CDC45: variants seen among roughly 807,000 people sequenced by gnomAD.
CDC45 encodes cell division control protein 45 homolog.
A neutral mutation model predicts 77.8 loss-of-function variants in CDC45; 54 were observed. The ratio of observed to expected loss-of-function variants is 0.69; its 90% CI spans 0.56 to 0.87. The LOEUF (loss-of-function observed/expected upper bound fraction) is 0.87. Among genes scored for constraint, CDC45 ranks in the 40% least tolerant of loss-of-function variants. The probability of loss-of-function intolerance (pLI) is 0.00; values close to 1 mark genes in which losing one functional copy is unlikely to be tolerated. For missense variants in CDC45, 649 were observed against 721.6 expected (o/e 0.90, Z 1.15); for synonymous variants, 260 against 272.1 (o/e 0.96, Z 0.44).
chr22:19,499,452 T>C (rs2146384308), intron 9 of CDC45, among the ~76,000 whole-genome samples: 1 of 151,970 alleles, frequency 6.6e-6, no homozygotes, highest in South Asian at 2.1e-4. Context: ...AGGCAGGTGC[T>C]GAGGTGTGGC....
At chr22:19,491,364 T>C (rs548480323) in intron 5 of CDC45, among the ~76,000 whole-genome samples, 109 of 152,274 alleles carry the variant, frequency 7.2e-4, no homozygotes, top group African/African-American at 2.5e-3. Context: ...GAGTCTCCTT[T>C]AACCGTTCCT....
At position 19,520,004 on chromosome 22, in the gene CDC45, C is replaced by CTGT. The variant is rs1934023556; in HGVS notation, c.*2-477_*2-476insTGT. Among the ~76,000 whole-genome samples, 1 of 152,252 alleles carries CTGT rather than the reference C, an allele frequency of 6.6e-6. No homozygotes were observed. Among genetic ancestry groups the CTGT allele is most frequent in the Non-Finnish European group, 1.5e-5 (1 of 68,044 alleles). On this transcript the variant is annotated intron_variant, in intron 18 of 18. Coordinates refer to ENST00000263201, the MANE Select transcript of CDC45 (RefSeq NM_003504.5). The surrounding 1 kb of genome is among the most constrained non-coding windows in gnomAD (Gnocchi z 4.5). The stretch of plus-strand genomic sequence containing the variant: ...CCTTAGACGATGAGTGTGAGCATCA[C>CTGT]AGGACTGCATAGGGTGGGGCGGAGG...
chr22:19,481,404 A>G (rs1031527181), intron 3 of CDC45, among the ~76,000 whole-genome samples: 1 of 151,642 alleles, frequency 6.6e-6, no homozygotes, highest in Non-Finnish European at 1.5e-5. Flanking sequence ...TTTGAAACGG[A>G]GTCTCGCTGT....
chr22:19,499,251 G>A, intron 9 of CDC45, 100 bp downstream of exon 9: 1 of 1,229,992 alleles, frequency 8.1e-7, no homozygotes, highest in Non-Finnish European at 1.2e-6. Context: ...TCCCTGTAGG[G>A]TCCTATTGAG....
rs369341373 is a variant in CDC45, at chr22:19,494,316, C to T, written c.487-11C>T. 9.3e-6 allele frequency: 15 copies of T among 1,611,534 alleles called. No homozygotes were observed. The highest frequency in any genetic ancestry group is 1.3e-5 in the African/African-American group (1 of 74,820). ...TTGCTCCACCTTTTGTTCTCTTTGT[C>T]CCTGTATCAGGAGATAGTGGAGCAA... On this transcript the variant is annotated splice_polypyrimidine_tract_variant and intron_variant, in intron 5 of 18. Coordinates refer to ENST00000263201, the MANE Select transcript of CDC45 (RefSeq NM_003504.5).
chr22:19,496,963 C>T (rs1028264399), intron 7 of CDC45, among the ~76,000 whole-genome samples: 8 of 152,108 alleles, frequency 5.3e-5, no homozygotes, highest in South Asian at 2.1e-4. Context: ...TGTTTGAGGA[C>T]GCCAGCCAAG....
At chr22:19,487,310 A>C (rs1238012537) in intron 5 of CDC45, among the ~76,000 whole-genome samples, 1 of 151,268 alleles carries the variant, frequency 6.6e-6, no homozygotes, top group Admixed American at 6.6e-5. Context: ...AAAAAAAAAA[A>C]AGAAATATTT....
chr22:19,505,044 G>A (rs1933084675), intron 9 of CDC45: 3 of 354,170 alleles, frequency 8.5e-6, no homozygotes, highest in Non-Finnish European at 1.6e-5. Flanking sequence ...CTCTGCTGTG[G>A]ATCCCTGTCA....
At chr22:19,514,237 G>T (rs1437281710) in intron 13 of CDC45, among the ~76,000 whole-genome samples, 2 of 152,220 alleles carry the variant, frequency 1.3e-5, no homozygotes, top group African/African-American at 4.8e-5. Flanking sequence ...CAGCTCACTG[G>T]TCATAAGACA....
chr22:19,511,634 AC>A (rs1933520014), intron 13 of CDC45, among the ~76,000 whole-genome samples: 1 of 152,026 alleles, frequency 6.6e-6, no homozygotes, highest in Non-Finnish European at 1.5e-5. Flanking sequence ...CCAGCCTAAA[AC>A]TTTTATATAT....
At chr22:19,503,631 G>C (rs769806941) in intron 9 of CDC45, among the ~76,000 whole-genome samples, 25 of 152,128 alleles carry the variant, frequency 1.6e-4, no homozygotes, top group Non-Finnish European at 2.8e-4. Flanking sequence ...CAAACAAAAG[G>C]CCTTCCGAAA....
At chr22:19,507,647 C>T in intron 11 of CDC45, 119 bp from the exon 12 acceptor site, 17 of 1,383,134 alleles carry the variant, frequency 1.2e-5, no homozygotes, top group Non-Finnish European at 1.7e-5. Flanking sequence ...GCCCTAGATC[C>T]CAGAATATCT....
chr22:19,494,435 G>T (rs1304729680), intron 6 of CDC45, 53 bp downstream of exon 6: 2 of 1,603,214 alleles, frequency 1.2e-6, no homozygotes, highest in Admixed American at 1.7e-5. Flanking sequence ...TTGCCTGGGG[G>T]TCTGTGGTGC....
At chr22:19,510,941 T>G (rs1933478633) in intron 13 of CDC45, among the ~76,000 whole-genome samples, 1 of 152,256 alleles carries the variant, frequency 6.6e-6, no homozygotes, top group Non-Finnish European at 1.5e-5. Context: ...TTATGACTAA[T>G]GCTGCTGTGA....
intron 5 of CDC45, among the ~76,000 whole-genome samples, chr22:19,487,064 C>G (rs548548363): frequency 6.6e-6 from 1 of 151,846 alleles, no homozygotes; most frequent in African/African-American, 2.4e-5. Context: ...GAGGCCAAGG[C>G]GGGTGAATCA....
chr22:19,486,167 A>G (rs2146341652), intron 5 of CDC45, among the ~76,000 whole-genome samples: 1 of 152,316 alleles, frequency 6.6e-6, no homozygotes, highest in Non-Finnish European at 1.5e-5. Context: ...GATTACAGGC[A>G]TGCACTGCCA....
chr22:19,513,362 T>C (rs1933617274), intron 13 of CDC45, among the ~76,000 whole-genome samples: 1 of 152,272 alleles, frequency 6.6e-6, no homozygotes, highest in African/African-American at 2.4e-5. Context: ...AGTTTTACTT[T>C]ATTGTGCTAA....
intron 5 of CDC45, among the ~76,000 whole-genome samples, chr22:19,490,418 A>G (rs540347584): frequency 4.2e-4 from 63 of 151,300 alleles, no homozygotes; most frequent in Admixed American, 1.2e-3. Flanking sequence ...TCTGTTGCCC[A>G]GGCTGGAATG....
intron 5 of CDC45, 27 bp downstream of exon 5, chr22:19,484,032 C>T: frequency 6.4e-7 from 1 of 1,573,500 alleles, no homozygotes; most frequent in Non-Finnish European, 8.6e-7. Context: ...CACAGCTATC[C>T]CAGAGGAACT....
Sources: allele counts gnomAD v4.1 joint callset (sites outside exome capture counted in the v4.1 genomes callset), GRCh38; gene constraint gnomAD v4.1.1; non-coding constraint Gnocchi (gnomAD v3.1); transcripts MANE v1.5; gene names NCBI Gene and HGNC (gene_info 2026-07-23, HGNC 2026-07-21).